The following PAK2 variants were observed in gnomAD, a reference collection of about 807,000 sequenced individuals.
PAK2 encodes p21 (RAC1) activated kinase 2, also known as serine/threonine-protein kinase PAK 2.
In PAK2, 21 loss-of-function variants were observed where a neutral mutation model predicts 65.9. That is an observed-to-expected ratio of 0.32 (90% CI 0.23 to 0.46). PAK2 has a LOEUF of 0.46. Among genes scored for constraint, PAK2 ranks in the 20% least tolerant of loss-of-function variants. PAK2 has a pLI of 1.00. For missense variants in PAK2, 324 were observed against 642.6 expected, an observed-to-expected ratio of 0.50 and a Z score of 5.36; for synonymous variants, 204 against 219.7, an observed-to-expected ratio of 0.93 and a Z score of 0.63.
At position 196,782,822 on chromosome 3, in the gene PAK2, G is replaced by A; in HGVS notation, c.176G>A (p.Gly59Asp). 1 of 1,608,250 alleles carries A rather than the reference G, an allele frequency of 6.2e-7. No individual in the cohort carries two copies. Reference protein sequence around the residue: ...PRHKIISIFSGTEKGSKKKEK... With the variant: ...PRHKIISIFSDTEKGSKKKEK... The stretch of plus-strand genomic sequence containing the variant: ...CATAAAATCATCTCCATATTCTCAG[G>A]CACAGAGAAAGGTAAATAGCGCTTC... Residue 59 changes from glycine (G) to aspartate (D), a missense_variant, in exon 2 of 15, where the codon GGC becomes GAC. By Grantham distance (94) the Gly-to-Asp change is moderately conservative. Around this residue, in one of 5 missense-constraint regions of PAK2, gnomAD observed 20 missense variants for 99.9 expected, o/e 0.20. Coordinates refer to ENST00000327134, the MANE Select transcript of PAK2 (RefSeq NM_002577.4).
chr3:196,789,502 G>C (rs1319208208), intron 2 of PAK2, among the ~76,000 whole-genome samples: 1 of 140,428 alleles, frequency 7.1e-6, no homozygotes, highest in East Asian at 1.9e-4. Context: ...TCATCTTGTT[G>C]CCCAGGCTGG....
chr3:196,812,076 T>A, intron 8 of PAK2, 143 bp from the exon 9 acceptor site: 1 of 526,820 alleles, frequency 1.9e-6, no homozygotes, highest in Non-Finnish European at 3.5e-6. Flanking sequence ...TTTCCTCAGG[T>A]TTTTGCTTTT....
At chr3:196,754,063 T>G (rs546821147) in intron 1 of PAK2, among the ~76,000 whole-genome samples, 25 of 152,338 alleles carry the variant, frequency 1.6e-4, no homozygotes, top group Admixed American at 2.0e-4. Context: ...CTTCTAATGT[T>G]GGCTTTATTT....
At chr3:196,815,096 C>T (rs529242405) in intron 11 of PAK2, among the ~76,000 whole-genome samples, 308 of 152,012 alleles carry the variant, frequency 2.0e-3, no homozygotes, top group Non-Finnish European at 3.1e-3. Flanking sequence ...AGGAGAATGG[C>T]GTGAACCTGG....
chr3:196,828,549 A>G lies in PAK2; in HGVS notation c.*144A>G. 1 of 642,538 alleles carries G rather than the reference A, an allele frequency of 1.6e-6. No individual in the cohort carries two copies. 39.8% of individuals were successfully genotyped at this position (642,538 alleles called of 1,614,324 possible). The stretch of plus-strand genomic sequence containing the variant: ...AGCAAATGACTATTCTCTGAAGACA[A>G]CCAAGAGAAAATTGCAAAAAGACAA... On this transcript the variant is annotated 3_prime_UTR_variant, in exon 15 of 15. Coordinates refer to ENST00000327134, the MANE Select transcript of PAK2 (RefSeq NM_002577.4).
rs548233355 is a variant in PAK2, at chr3:196,822,698, A to G, written c.1350+2131A>G. On this transcript the variant is annotated intron_variant, in intron 13 of 14. Transcript: ENST00000327134. ...TTGGGTGACGGCTAGGACCTGTCTC[A>G]AAAAAAATACAATAAAAATAAAATG... Among the ~76,000 whole-genome samples the G allele has an allele frequency of 3.3e-5, 5 of 151,594 alleles. No homozygotes were observed. In the East Asian group the frequency reaches 7.7e-4, roughly 23 times the overall value.
chr3:196,762,624 G>T (rs1391597097), intron 1 of PAK2, among the ~76,000 whole-genome samples: 4 of 151,718 alleles, frequency 2.6e-5, no homozygotes. Context: ...GCAGTGAGCT[G>T]AGATGGCAGC....
At chr3:196,761,201 CAG>C (rs1414154127) in intron 1 of PAK2, among the ~76,000 whole-genome samples, 2 of 120,600 alleles carry the variant, frequency 1.7e-5, no homozygotes, top group African/African-American at 3.2e-5. Context: ...GTGTTTCTCA[CAG>C]AGGGGGATTT....
intron 1 of PAK2, among the ~76,000 whole-genome samples, chr3:196,750,225 G>A (rs1482358192): frequency 6.6e-6 from 1 of 151,976 alleles, no homozygotes; most frequent in Non-Finnish European, 1.5e-5. Flanking sequence ...CCTGAGCTCA[G>A]GTGATCCATC....
intron 2 of PAK2, among the ~76,000 whole-genome samples, chr3:196,799,976 C>T (rs1056536971): frequency 6.6e-6 from 1 of 152,116 alleles, no homozygotes; most frequent in Non-Finnish European, 1.5e-5. Context: ...GCGTACCGAA[C>T]GGATGAAGAC....
chr3:196,783,699 A>C (rs917882468), intron 2 of PAK2, among the ~76,000 whole-genome samples: 1 of 151,898 alleles, frequency 6.6e-6, no homozygotes, highest in Non-Finnish European at 1.5e-5. Flanking sequence ...CCCCATCCTA[A>C]CCTTCTCTTC....
rs561671114 is a variant in PAK2 at position 196,787,342 on chromosome 3, A to T, written c.187+4509A>T. 2.6e-5 allele frequency among the ~76,000 whole-genome samples: 4 copies of T among 152,070 alleles called. No individual in the cohort carries two copies. The South Asian group carries it at 8.3e-4, about 32-fold the overall frequency. Reference sequence around the variant, plus strand: ...ATGCCTGTAATCTCAGCACTTTGGGAGGCCGAGGCCGGCAGATCACGAGGT... The same window carrying T: ...ATGCCTGTAATCTCAGCACTTTGGGTGGCCGAGGCCGGCAGATCACGAGGT... On this transcript the variant is annotated intron_variant, in intron 2 of 14. Coordinates refer to ENST00000327134, the MANE Select transcript of PAK2 (RefSeq NM_002577.4).
Position 196,828,308 on chromosome 3 carries a change from C to CT in PAK2, c.1489-8dup. ...CACTTATACATTTATTTTTCCCCTTCTTTCTGGCAGCATCCTTTCCTGAAA... is the reference window on the plus strand; with the variant it reads ...CACTTATACATTTATTTTTCCCCTTCTTTTCTGGCAGCATCCTTTCCTGAAA... On this transcript the variant is annotated splice_polypyrimidine_tract_variant and intron_variant, in intron 14 of 14. Transcript: ENST00000327134. 6.4e-7 allele frequency: 1 copy of CT among 1,553,796 alleles called. No homozygotes were observed. Among genetic ancestry groups the CT allele is most frequent in the Non-Finnish European group, 8.8e-7 (1 of 1,130,464 alleles).
At chr3:196,815,363 A>G (rs554307478) in intron 11 of PAK2, among the ~76,000 whole-genome samples, 90 of 151,352 alleles carry the variant, frequency 5.9e-4, no homozygotes, top group Middle Eastern at 3.4e-3. Flanking sequence ...ATGGTGGTGC[A>G]CGCCTGTAAT....
rs142370189 is a variant in PAK2, at chr3:196,792,829, A to G, written c.188-9098A>G. 4.2e-3 allele frequency among the ~76,000 whole-genome samples: 638 copies of G among 152,158 alleles called. 3 individuals are homozygous for G. Among genetic ancestry groups the G allele is most frequent in the African/African-American group, 0.015 (620 of 41,536 alleles). On this transcript the variant is annotated intron_variant, in intron 2 of 14. Coordinates refer to ENST00000327134, the MANE Select transcript of PAK2 (RefSeq NM_002577.4). ...AATATATATATATACACACACACAC[A>G]CACGGTCAAAGAGAAAAAGAGAGGA... is the stretch of plus-strand genomic sequence containing the variant.
At chr3:196,788,161 G>A (rs1714957847) in intron 2 of PAK2, among the ~76,000 whole-genome samples, 1 of 152,124 alleles carries the variant, frequency 6.6e-6, no homozygotes, top group Non-Finnish European at 1.5e-5. Flanking sequence ...TGAAACACTC[G>A]GTTTTGGTGT....
intron 2 of PAK2, among the ~76,000 whole-genome samples, chr3:196,797,998 A>G (rs1715309764): frequency 6.6e-6 from 1 of 152,230 alleles, no homozygotes; most frequent in South Asian, 2.1e-4. Context: ...ACACCATATT[A>G]GAAGAAAAGA....
chr3:196,744,067 A>C (rs1354086370), intron 1 of PAK2, among the ~76,000 whole-genome samples: 1 of 152,186 alleles, frequency 6.6e-6, no homozygotes, highest in African/African-American at 2.4e-5. Flanking sequence ...AGATTTAAAA[A>C]TATGCATATT....
At chr3:196,822,864 C>T (rs891651132) in intron 13 of PAK2, among the ~76,000 whole-genome samples, 1 of 152,202 alleles carries the variant, frequency 6.6e-6, no homozygotes, top group South Asian at 2.1e-4. Flanking sequence ...AAAGCAGGAG[C>T]GTTCCTTGTG....
Sources: allele counts gnomAD v4.1 joint callset (sites outside exome capture counted in the v4.1 genomes callset), GRCh38; gene constraint gnomAD v4.1.1; regional missense constraint gnomAD v4.1.1; transcripts MANE v1.5; gene names NCBI Gene and HGNC (gene_info 2026-07-23, HGNC 2026-07-21).